The following RFTN1 variants were observed in gnomAD, a reference collection of about 807,000 sequenced individuals.
The protein encoded by RFTN1 is raftlin.
RFTN1 carries 26 observed loss-of-function variants against 46.5 expected under a neutral mutation model. The ratio of observed to expected loss-of-function variants is 0.56; its 90% CI spans 0.41 to 0.78. The LOEUF (loss-of-function observed/expected upper bound fraction) is 0.78, where lower values mean the gene tolerates loss of function less well. RFTN1 is among the 30% of genes least tolerant of loss of function. RFTN1 has a pLI of 0.00. For synonymous variants in RFTN1, 261 were observed against 284.2 expected, an observed-to-expected ratio of 0.92 and a Z score of 0.82; for missense variants, 693 against 718.7, an observed-to-expected ratio of 0.96 and a Z score of 0.41.
Position 16,322,000 on chromosome 3 carries a change from T to A in RFTN1, c.1332+1376A>T, listed in dbSNP as rs1400405907. On this transcript the variant is annotated intron_variant, in intron 9 of 9. Coordinates refer to ENST00000334133, the MANE Select transcript of RFTN1 (RefSeq NM_015150.2). This position sits in a 1 kb window ranked among gnomAD's most constrained non-coding sequence, Gnocchi z 4.8. ...AACCTGTTAGGCAAAGGTGGCACCA[T>A]CTCCCTCTGTAAGGCTGCAGCGGGT... Among the ~76,000 whole-genome samples the A allele has an allele frequency of 6.6e-6, 1 of 152,186 alleles. No homozygotes were observed. Among genetic ancestry groups the A allele is most frequent in the African/African-American group, 2.4e-5 (1 of 41,442 alleles).
intron 5 of RFTN1, among the ~76,000 whole-genome samples, chr3:16,371,896 C>T (rs973963377): frequency 2.0e-5 from 3 of 152,148 alleles, no homozygotes; most frequent in Non-Finnish European, 4.4e-5. Context: ...GTTCACAATA[C>T]AAACTTTAGA....
rs1029104352 is a variant in RFTN1 at position 16,443,135 on chromosome 3, G to T, written c.146-9098C>A. ...TAGGATATTTCTATTTTTAATTTTT[G>T]ATGAACCTCCATATTGTTTTCTATA... On this transcript the variant is annotated intron_variant, in intron 2 of 9. Coordinates refer to ENST00000334133, the MANE Select transcript of RFTN1 (RefSeq NM_015150.2). The surrounding 1 kb of genome is among the most constrained non-coding windows in gnomAD (Gnocchi z 5.5). 3.3e-5 allele frequency among the ~76,000 whole-genome samples: 5 copies of T among 152,114 alleles called. No homozygotes were observed. The highest frequency in any genetic ancestry group is 1.2e-4 in the African/African-American group (5 of 41,414).
In RFTN1 at chr3:16,400,997, C is replaced by T. The variant is rs2074586490; in HGVS notation, c.441+8378G>A. 6.6e-6 allele frequency among the ~76,000 whole-genome samples: 1 copy of T among 152,042 alleles called. No individual in the cohort carries two copies. The highest frequency in any genetic ancestry group is 1.5e-5 in the Non-Finnish European group (1 of 67,994). ...CCATCTTTTATCACCTCTTCTCTCCCAATACCTTTCAGCTGAAAAAAATGT... is the reference window on the plus strand; with the variant it reads ...CCATCTTTTATCACCTCTTCTCTCCTAATACCTTTCAGCTGAAAAAAATGT... On this transcript the variant is annotated intron_variant, in intron 4 of 9. Coordinates refer to ENST00000334133, the MANE Select transcript of RFTN1 (RefSeq NM_015150.2). The surrounding 1 kb of genome is among the most constrained non-coding windows in gnomAD (Gnocchi z 4.5).
chr3:16,508,469 C>A (rs2076846087), intron 1 of RFTN1, among the ~76,000 whole-genome samples: 1 of 152,178 alleles, frequency 6.6e-6, no homozygotes, highest in African/African-American at 2.4e-5. Flanking sequence ...GAGTAAGTCA[C>A]ACAATTGCAT....
At chr3:16,362,304 T>G (rs1195991135) in intron 6 of RFTN1, among the ~76,000 whole-genome samples, 1 of 152,208 alleles carries the variant, frequency 6.6e-6, no homozygotes, top group Admixed American at 6.5e-5. Context: ...ATGCTAAGCT[T>G]GCCTCTCTCA....
chr3:16,392,038 A>T (rs1180763348), intron 4 of RFTN1, among the ~76,000 whole-genome samples: 1 of 152,054 alleles, frequency 6.6e-6, no homozygotes, highest in Non-Finnish European at 1.5e-5. Flanking sequence ...AGATTTCTTG[A>T]GGAGGCAAGT....
Position 16,446,820 on chromosome 3 carries a change from C to T in RFTN1, c.146-12783G>A, listed in dbSNP as rs1175773597. On this transcript the variant is annotated intron_variant, in intron 2 of 9. Transcript: ENST00000334133. The surrounding 1 kb of genome is among the most constrained non-coding windows in gnomAD (Gnocchi z 4.5). ...AGGAAACGAGGTCATTTCTTTTTCT[C>T]CTGAGTTATTATCATCAAGGTCTCG... Among the ~76,000 whole-genome samples the T allele has an allele frequency of 6.6e-6, 1 of 152,130 alleles. No individual in the cohort carries two copies. The highest frequency in any genetic ancestry group is 1.5e-5 in the Non-Finnish European group (1 of 68,030).
In RFTN1 at chr3:16,457,015, A is replaced by G. The variant is rs2075920336; in HGVS notation, c.146-22978T>C. ...GTGTCAATAAAAAGTTTTTTTTTTA[A>G]ATGACAGATGCCATTGCTATAAGAA... On this transcript the variant is annotated intron_variant, in intron 2 of 9. Coordinates refer to ENST00000334133, the MANE Select transcript of RFTN1 (RefSeq NM_015150.2). This position sits in a 1 kb window ranked among gnomAD's most constrained non-coding sequence, Gnocchi z 4.2. Among the ~76,000 whole-genome samples the G allele has an allele frequency of 6.6e-6, 1 of 152,222 alleles. No individual in the cohort carries two copies. The highest frequency in any genetic ancestry group is 6.5e-5 in the Admixed American group (1 of 15,288).
chr3:16,495,136 A>G (rs1429164), intron 1 of RFTN1, among the ~76,000 whole-genome samples: 80,690 of 152,066 alleles, frequency 0.53, 21,805 homozygotes, highest in African/African-American at 0.62. Context: ...GCCTTAATAA[A>G]GGAACATGAG....
At chr3:16,485,315 G>A (rs1418088971) in intron 2 of RFTN1, among the ~76,000 whole-genome samples, 1 of 152,094 alleles carries the variant, frequency 6.6e-6, no homozygotes, top group Non-Finnish European at 1.5e-5. Context: ...CAACAGCAAG[G>A]ACTCAATACA....
intron 2 of RFTN1, among the ~76,000 whole-genome samples, chr3:16,439,903 T>C (rs1038124626): frequency 1.3e-5 from 2 of 152,186 alleles, no homozygotes; most frequent in African/African-American, 4.8e-5. Flanking sequence ...TCAAGGATGA[T>C]GGGTCTCCTT....
rs2076686860 is a variant in RFTN1 at position 16,499,999 on chromosome 3, A to G, written c.-8-6122T>C. 6.6e-6 allele frequency among the ~76,000 whole-genome samples: 1 copy of G among 152,220 alleles called. No individual in the cohort carries two copies. The highest frequency in any genetic ancestry group is 6.5e-5 in the Admixed American group (1 of 15,284). ...CAGATACTGCCGCCATGAAAAGTGT[A>G]TGGAAAGTGAGATCTCTCAAAGATC... On this transcript the variant is annotated intron_variant, in intron 1 of 9. Transcript: ENST00000334133. The surrounding 1 kb of genome is among the most constrained non-coding windows in gnomAD (Gnocchi z 4.9).
At chr3:16,482,662 T>C in intron 2 of RFTN1, 1 of 1,121,516 alleles carries the variant, frequency 8.9e-7, no homozygotes, top group South Asian at 1.3e-5. Flanking sequence ...AAGATCTCTA[T>C]AAGGATTAAT....
At chr3:16,404,313 T>TTATATATAATATATAA (rs1559328886) in intron 4 of RFTN1, among the ~76,000 whole-genome samples, 172 of 16,108 alleles carry the variant, frequency 0.011, 45 homozygotes, top group African/African-American at 0.052. Flanking sequence ...GTAATATATA[T>TTATATATAATATATAA]TATATATAAT....
At chr3:16,372,640 C>T (rs1182766243) in intron 5 of RFTN1, among the ~76,000 whole-genome samples, 1 of 152,200 alleles carries the variant, frequency 6.6e-6, no homozygotes, top group African/African-American at 2.4e-5. Flanking sequence ...AAGGAACTCC[C>T]ACTCAATGGC....
At position 16,493,762 on chromosome 3, in the gene RFTN1, A is replaced by G; in HGVS notation, c.108T>C (p.Tyr36=). 2 of 1,613,246 alleles carry G rather than the reference A, an allele frequency of 1.2e-6. No individual in the cohort carries two copies. Among genetic ancestry groups the G allele is most frequent in the South Asian group, 1.1e-5 (1 of 91,058 alleles). The part of the protein sequence containing the change: ...PQVETKIDVS[Y]EYRFLEFTTL... ...TCGTGAACTCCAGGAAGCGGTATTCATAGGACACATCTATCTTGGTTTCCA... is the reference window on the plus strand; with the variant it reads ...TCGTGAACTCCAGGAAGCGGTATTCGTAGGACACATCTATCTTGGTTTCCA... Residue 36 remains tyrosine (Y), a synonymous_variant, in exon 2 of 10, where the codon TAT becomes TAC. Coordinates refer to ENST00000334133, the MANE Select transcript of RFTN1 (RefSeq NM_015150.2).
Position 16,465,090 on chromosome 3 carries a change from G to C in RFTN1, c.145+28635C>G, listed in dbSNP as rs1159064407. 6.6e-6 allele frequency among the ~76,000 whole-genome samples: 1 copy of C among 152,134 alleles called. No homozygotes were observed. Among genetic ancestry groups the C allele is most frequent in the African/African-American group, 2.4e-5 (1 of 41,410 alleles). ...AAGCAGACAGTCCCAGTAAGGAAAA[G>C]GGAGGTGTCTCAGCGAACACAATTA... On this transcript the variant is annotated intron_variant, in intron 2 of 9. Transcript: ENST00000334133. The surrounding 1 kb of genome is among the most constrained non-coding windows in gnomAD (Gnocchi z 5.1).
At chr3:16,497,749 A>G (rs867201440) in intron 1 of RFTN1, among the ~76,000 whole-genome samples, 2 of 152,354 alleles carry the variant, frequency 1.3e-5, no homozygotes, top group African/African-American at 4.8e-5. Flanking sequence ...ACCTTTCCTA[A>G]GTATCTGCTT....
At chr3:16,355,211 C>G (rs1364145167) in intron 7 of RFTN1, among the ~76,000 whole-genome samples, 2 of 152,160 alleles carry the variant, frequency 1.3e-5, no homozygotes, top group African/African-American at 2.4e-5. Flanking sequence ...TACCCATTAC[C>G]CTGTTCCAAA....
Sources: allele counts gnomAD v4.1 joint callset (sites outside exome capture counted in the v4.1 genomes callset), GRCh38; gene constraint gnomAD v4.1.1; non-coding constraint Gnocchi (gnomAD v3.1); transcripts MANE v1.5; gene names NCBI Gene and HGNC (gene_info 2026-07-23, HGNC 2026-07-21).